Variants in LIN7A observed in about 807,000 individuals in gnomAD.
LIN7A encodes protein lin-7 homolog A.
In LIN7A, 25 loss-of-function variants were observed where a neutral mutation model predicts 29.8. That is an observed-to-expected ratio of 0.84 (90% CI 0.61 to 1.17). The LOEUF (loss-of-function observed/expected upper bound fraction) is 1.17. Ranked by LOEUF, LIN7A falls within the 50% of genes most tolerant of loss-of-function variation. The pLI is 0.00. For synonymous variants in LIN7A, 118 were observed against 107.5 expected (o/e 1.10, Z -0.60); for missense variants, 239 against 287.0 (o/e 0.83, Z 1.21).
At chr12:80,898,941 T>C (rs139152076) in intron 1 of LIN7A, among the ~76,000 whole-genome samples, 184 of 152,340 alleles carry the variant, frequency 1.2e-3, no homozygotes, top group Non-Finnish European at 4.7e-4. Flanking sequence ...CAGGGATAGT[T>C]TGACTTCCTC....
At position 80,864,358 on chromosome 12, in the gene LIN7A, GA is replaced by G. The variant is rs149057356; in HGVS notation, c.202-16037del. The stretch of plus-strand genomic sequence containing the variant: ...AAAAGAAATGAATCACTTTATTGCT[GA>G]AAAAAAAAACAGCAAAAATGATGTG... On this transcript the variant is annotated intron_variant, in intron 2 of 5. Coordinates refer to ENST00000552864, the MANE Select transcript of LIN7A (RefSeq NM_004664.4). 8.4e-4 allele frequency among the ~76,000 whole-genome samples: 123 copies of G among 146,644 alleles called. 1 individual carries two copies. Among genetic ancestry groups the G allele is most frequent in the African/African-American group, 2.7e-3 (108 of 40,158 alleles).
chr12:80,806,303 G>A (rs1258810004), intron 5 of LIN7A, among the ~76,000 whole-genome samples: 1 of 151,956 alleles, frequency 6.6e-6, no homozygotes, highest in Non-Finnish European at 1.5e-5. Flanking sequence ...GCATATTATT[G>A]TGCAGCAATA....
At chr12:80,835,829 T>C (rs1299420475) in intron 4 of LIN7A, among the ~76,000 whole-genome samples, 1 of 152,164 alleles carries the variant, frequency 6.6e-6, no homozygotes, top group Non-Finnish European at 1.5e-5. Flanking sequence ...TGAGTCCCTT[T>C]TGAAATGTTG....
chr12:80,899,895 G>A (rs1876118086), intron 1 of LIN7A, among the ~76,000 whole-genome samples: 1 of 149,514 alleles, frequency 6.7e-6, no homozygotes, highest in African/African-American at 2.4e-5. Context: ...AGCCTCCCGA[G>A]TAGCTGGGAC....
At chr12:80,836,675 T>G (rs1338568743) in intron 4 of LIN7A, among the ~76,000 whole-genome samples, 1 of 151,742 alleles carries the variant, frequency 6.6e-6, no homozygotes, top group Non-Finnish European at 1.5e-5. Context: ...TAAATAAATA[T>G]GTATATATAT....
chr12:80,806,198 C>T (rs1001170370), intron 5 of LIN7A, among the ~76,000 whole-genome samples: 1 of 151,966 alleles, frequency 6.6e-6, no homozygotes, highest in African/African-American at 2.4e-5. Flanking sequence ...ACATTTTTAT[C>T]GGCAGCGTGA....
At chr12:80,886,250 A>G (rs547501397) in intron 2 of LIN7A, among the ~76,000 whole-genome samples, 1 of 152,096 alleles carries the variant, frequency 6.6e-6, no homozygotes, top group East Asian at 1.9e-4. Context: ...AGACACCAGA[A>G]GAGGAAGTAT....
chr12:80,825,025 G>A (rs1555222582), intron 4 of LIN7A, among the ~76,000 whole-genome samples: 3 of 152,116 alleles, frequency 2.0e-5, no homozygotes, highest in Non-Finnish European at 4.4e-5. Context: ...GCAATCAAAC[G>A]AGAAAGAAAG....
At chr12:80,831,265 C>T (rs1336834228) in intron 4 of LIN7A, among the ~76,000 whole-genome samples, 1 of 152,006 alleles carries the variant, frequency 6.6e-6, no homozygotes, top group African/African-American at 2.4e-5. Flanking sequence ...GATTTATTGC[C>T]CTATCTAACA....
chr12:80,876,018 T>C (rs2120535755), intron 2 of LIN7A, among the ~76,000 whole-genome samples: 1 of 152,026 alleles, frequency 6.6e-6, no homozygotes, highest in South Asian at 2.1e-4. Flanking sequence ...TCATTATACA[T>C]TTATCCGTGA....
At chr12:80,846,261 T>A (rs1432771949) in intron 3 of LIN7A, among the ~76,000 whole-genome samples, 1 of 152,194 alleles carries the variant, frequency 6.6e-6, no homozygotes, top group Admixed American at 6.5e-5. Context: ...ATAACTTTGT[T>A]ATATGTACTA....
At chr12:80,806,518 A>C (rs1870996534) in intron 5 of LIN7A, among the ~76,000 whole-genome samples, 1 of 152,198 alleles carries the variant, frequency 6.6e-6, no homozygotes, top group South Asian at 2.1e-4. Flanking sequence ...TATAACTTTT[A>C]CCATCTCAGA....
chr12:80,871,998 G>C (rs1874451019), intron 2 of LIN7A, among the ~76,000 whole-genome samples: 1 of 152,002 alleles, frequency 6.6e-6, no homozygotes, highest in Non-Finnish European at 1.5e-5. Context: ...TAGCTTAACA[G>C]AGTTAAATTT....
chr12:80,897,299 T>C (rs1038579785), intron 1 of LIN7A, among the ~76,000 whole-genome samples: 4 of 152,184 alleles, frequency 2.6e-5, no homozygotes, highest in Non-Finnish European at 5.9e-5. Context: ...CTTGTACATA[T>C]GTTTTTACAT....
chr12:80,871,893 G>A (rs1024193335), intron 2 of LIN7A, among the ~76,000 whole-genome samples: 7 of 151,832 alleles, frequency 4.6e-5, no homozygotes, highest in Admixed American at 1.3e-4. Flanking sequence ...AAGAATATTA[G>A]TTGATATTTA....
At chr12:80,811,404 C>CAT (rs1311876171) in intron 5 of LIN7A, 61 bp downstream of exon 5, 2 of 623,592 alleles carry the variant, frequency 3.2e-6, no homozygotes, top group Non-Finnish European at 5.8e-6. Context: ...TTCATATATA[C>CAT]ATATATGTGT....
chr12:80,886,204 G>GT (rs11326256), intron 2 of LIN7A, among the ~76,000 whole-genome samples: 208 of 148,378 alleles, frequency 1.4e-3, no homozygotes, highest in African/African-American at 4.5e-3. Context: ...AAACTTCAAA[G>GT]TTTTTTTTTT....
At chr12:80,840,607 A>T (rs796189229) in intron 4 of LIN7A, among the ~76,000 whole-genome samples, 1 of 126,492 alleles carries the variant, frequency 7.9e-6, no homozygotes, top group African/African-American at 3.0e-5. Flanking sequence ...CTAAATAAAT[A>T]AAACATATTG....
rs769410619 is a variant in LIN7A at position 80,937,728 on chromosome 12, AC to A, written c.-7del. 3 of 1,286,714 alleles carry A rather than the reference AC, an allele frequency of 2.3e-6. No homozygotes were observed. Among genetic ancestry groups the A allele is most frequent in the Admixed American group, 2.2e-5 (1 of 44,620 alleles). 79.7% of individuals were successfully genotyped at this position (1,286,714 alleles called of 1,614,324 possible). ...GTGACGCTCGGCTTCAGCATCAGCA[AC>A]CGCTCGTAGTGAGAAAAAAAGGAGG... On this transcript the variant is annotated 5_prime_UTR_variant, in exon 1 of 6. Transcript: ENST00000552864.
Sources: gnomAD v4.1 joint callset for allele counts (sites outside exome capture counted in the v4.1 genomes callset) on GRCh38, gnomAD v4.1.1 for gene constraint, MANE v1.5 for transcripts, NCBI Gene and HGNC (gene_info 2026-07-23, HGNC 2026-07-21) for gene names.